The following CCND1 variants were observed in gnomAD, a reference collection of about 807,000 sequenced individuals.
CCND1 encodes cyclin D1, also known as G1/S-specific cyclin-D1.
Under a neutral mutation model 26.1 loss-of-function variants are expected in CCND1, and 9 were observed. The observed-to-expected ratio is 0.35, with a 90% CI of 0.21 to 0.60. The LOEUF (loss-of-function observed/expected upper bound fraction) is 0.60. CCND1 is among the 20% of genes least tolerant of loss of function. The probability of loss-of-function intolerance (pLI) is 0.79; values close to 1 mark genes in which losing one functional copy is unlikely to be tolerated. For missense variants in CCND1, 335 were observed against 392.9 expected (o/e 0.85, Z 1.25); for synonymous variants, 194 against 166.1 (o/e 1.17, Z -1.29).
intron 3 of CCND1, among the ~76,000 whole-genome samples, chr11:69,645,020 G>A (rs985498120): frequency 2.6e-5 from 4 of 152,186 alleles, no homozygotes; most frequent in African/African-American, 9.7e-5. Flanking sequence ...CCGGTAGCCC[G>A]CAGCCGGTAT....
intron 1 of CCND1, among the ~76,000 whole-genome samples, chr11:69,642,798 C>T (rs1348570932): frequency 2.0e-5 from 3 of 151,948 alleles, no homozygotes; most frequent in Non-Finnish European, 4.4e-5. Context: ...GTGCCCGCTC[C>T]CGCCCCCACC....
Position 69,641,231 on chromosome 11 carries a change from C to A in CCND1, c.-83C>A. The A allele has an allele frequency of 7.5e-7, 1 of 1,335,460 alleles. No homozygotes were observed. Among genetic ancestry groups the A allele is most frequent in the Non-Finnish European group, 1.1e-6 (1 of 944,124 alleles). The allele number at this position is 1,335,460 out of a possible 1,614,324, so 82.7% of individuals were successfully genotyped here. ...CGAGGGGCAGAAGAGCGCGAGGGAG[C>A]GCGGGGCAGCAGAAGCGAGAGCCGA... On this transcript the variant is annotated 5_prime_UTR_variant, in exon 1 of 5. Coordinates refer to ENST00000227507, the MANE Select transcript of CCND1 (RefSeq NM_053056.3).
rs547958193 is a variant in CCND1 at position 69,651,299 on chromosome 11, G to A, written c.*17G>A. The A allele has an allele frequency of 6.9e-7, 1 of 1,457,018 alleles. No individual in the cohort carries two copies. Among genetic ancestry groups the A allele is most frequent in the Admixed American group, 2.5e-5 (1 of 39,400 alleles). The allele number at this position is 1,457,018 out of a possible 1,614,324, so 90.3% of individuals were successfully genotyped here. A position where few individuals can be genotyped will look rare whatever the true frequency, so the allele number is the denominator to read the frequency against. On this transcript the variant is annotated 3_prime_UTR_variant, in exon 5 of 5. Coordinates refer to ENST00000227507, the MANE Select transcript of CCND1 (RefSeq NM_053056.3). ...GACATCTGAGGGCGCCAGGCAGGCG[G>A]GCGCCACCGCCACCCGCAGCGAGGG... is the stretch of plus-strand genomic sequence containing the variant.
chr11:69,645,316 G>A (rs1478338226), intron 3 of CCND1, among the ~76,000 whole-genome samples: 1 of 152,188 alleles, frequency 6.6e-6, no homozygotes, highest in African/African-American at 2.4e-5. Flanking sequence ...TGGAGAGAAC[G>A]TGGGGCGTGG....
At chr11:69,650,159 G>T (rs2120116289) in intron 4 of CCND1, among the ~76,000 whole-genome samples, 1 of 152,352 alleles carries the variant, frequency 6.6e-6, no homozygotes, top group Non-Finnish European at 1.5e-5. Context: ...GCCCAGCCCT[G>T]CTCCTTGTGG....
chr11:69,645,012 G>A (rs1456241430), intron 3 of CCND1, among the ~76,000 whole-genome samples: 2 of 152,158 alleles, frequency 1.3e-5, no homozygotes, highest in South Asian at 2.1e-4. Context: ...TTCTGACACC[G>A]GTAGCCCGCA....
At chr11:69,649,131 C>T (rs1173960901) in intron 4 of CCND1, among the ~76,000 whole-genome samples, 1 of 152,226 alleles carries the variant, frequency 6.6e-6, no homozygotes, top group Non-Finnish European at 1.5e-5. Context: ...TCCTCACCCG[C>T]TGTAGGGTGG....
chr11:69,642,574 A>G (rs1421129743), intron 1 of CCND1, among the ~76,000 whole-genome samples: 1 of 152,124 alleles, frequency 6.6e-6, no homozygotes, highest in Non-Finnish European at 1.5e-5. Flanking sequence ...ATATTTTTAA[A>G]TATTTTTTGA....
chr11:69,646,148 C>T (rs980131924), intron 3 of CCND1, among the ~76,000 whole-genome samples: 3 of 152,176 alleles, frequency 2.0e-5, no homozygotes, highest in Non-Finnish European at 4.4e-5. Flanking sequence ...GCACAAGGTG[C>T]GGAGCCAGCT....
At chr11:69,642,390 G>T (rs1252089394) in intron 1 of CCND1, among the ~76,000 whole-genome samples, 1 of 151,730 alleles carries the variant, frequency 6.6e-6, no homozygotes, top group Non-Finnish European at 1.5e-5. Context: ...AGTGCGGCGT[G>T]GTGCCCTTGC....
Position 69,651,214 on chromosome 11 carries a change from G to T in CCND1, c.820G>T (p.Glu274Ter), listed in dbSNP as rs763352395. Residue 274 changes from glutamate to a stop codon, truncating the protein, a stop_gained, in exon 5 of 5, where the codon GAG (glutamate) becomes TAG (stop). Coordinates refer to ENST00000227507, the MANE Select transcript of CCND1 (RefSeq NM_053056.3). LOFTEE classifies it high-confidence loss of function. ...QNMDPKAAEE[E>*]EEEEEEVDLA... is the part of the protein sequence containing the mutation. ...CATGGACCCCAAGGCCGCCGAGGAG[G>T]AGGAAGAGGAGGAGGAGGAGGTGGA... The T allele has an allele frequency of 1.9e-6, 3 of 1,604,586 alleles. No homozygotes were observed. Among genetic ancestry groups the T allele is most frequent in the Non-Finnish European group, 2.6e-6 (3 of 1,174,594 alleles).
Position 69,647,962 on chromosome 11 carries a change from A to G in CCND1, c.575-32A>G, listed in dbSNP as rs367744123. 1.3e-3 allele frequency: 2,078 copies of G among 1,612,002 alleles called. 1 individual carries two copies. The highest frequency in any genetic ancestry group is 1.6e-3 in the Non-Finnish European group (1,929 of 1,179,388). ...GGGGCCCTGAGAGGGTCCCCTGCTCACAGCCTCCTTCCCTCTCTCCTTCTG... is the reference window on the plus strand; with the variant it reads ...GGGGCCCTGAGAGGGTCCCCTGCTCGCAGCCTCCTTCCCTCTCTCCTTCTG... On this transcript the variant is annotated intron_variant, in intron 3 of 4. Coordinates refer to ENST00000227507, the MANE Select transcript of CCND1 (RefSeq NM_053056.3).
At chr11:69,641,774 C>T (rs1354230465) in intron 1 of CCND1, among the ~76,000 whole-genome samples, 3 of 151,932 alleles carry the variant, frequency 2.0e-5, no homozygotes, top group African/African-American at 7.3e-5. Flanking sequence ...AAGCCAGTGC[C>T]AGGGGCACCC....
intron 4 of CCND1, among the ~76,000 whole-genome samples, chr11:69,650,313 G>T: frequency 6.6e-6 from 1 of 152,372 alleles, no homozygotes; most frequent in Middle Eastern, 3.4e-3. Flanking sequence ...TTCAGGCTGC[G>T]TGGGACTTGC....
intron 3 of CCND1, among the ~76,000 whole-genome samples, chr11:69,646,611 G>T (rs1051308303): frequency 1.3e-5 from 2 of 152,172 alleles, no homozygotes; most frequent in Non-Finnish European, 2.9e-5. Context: ...CCGACGTCCG[G>T]CTCCCAGCCC....
chr11:69,651,417 G>GT lies in CCND1; in HGVS notation c.*141dup. ...AGCTTCATTCTCCTTGTTGTTGGTT[G>GT]TTTTTTCCTTTGCTCTTTCCCCCTT... On this transcript the variant is annotated 3_prime_UTR_variant, in exon 5 of 5. Transcript: ENST00000227507. The GT allele has an allele frequency of 2.6e-6, 2 of 760,306 alleles. No homozygotes were observed. Among genetic ancestry groups the GT allele is most frequent in the Non-Finnish European group, 3.8e-6 (2 of 531,414 alleles). 47.1% of individuals were successfully genotyped at this position (760,306 alleles called of 1,614,324 possible).
At chr11:69,643,571 G>A (rs1050517742) in intron 2 of CCND1, 2 of 451,678 alleles carry the variant, frequency 4.4e-6, no homozygotes, top group Admixed American at 4.3e-5. Flanking sequence ...GGTGGTGGGA[G>A]GTCTTTTTGT....
chr11:69,642,952 A>C, intron 1 of CCND1, 79 bp from the exon 2 acceptor site: 1 of 1,112,384 alleles, frequency 9.0e-7, no homozygotes, highest in Non-Finnish European at 1.2e-6. Flanking sequence ...GGCCCTGCCA[A>C]GCGCGATGGG....
chr11:69,644,206 C>A lies in CCND1; in HGVS notation c.574+215C>A, dbSNP rs141934730. The stretch of plus-strand genomic sequence containing the variant: ...GATTTGCTCCCTCACGGCCACCATG[C>A]AGTACCTTGGGCATTGGTGTGGACG... On this transcript the variant is annotated intron_variant, in intron 3 of 4. Transcript: ENST00000227507. The A allele has an allele frequency of 1.1e-3, 637 of 597,808 alleles. 10 individuals carry two copies. In the East Asian group the frequency reaches 0.017, roughly 16 times the overall value. The allele number at this position is 597,808 out of a possible 1,614,324, so 37.0% of individuals were successfully genotyped here. A position where few individuals can be genotyped will look rare whatever the true frequency, so the allele number is the denominator to read the frequency against.
Sources: allele counts gnomAD v4.1 joint callset (sites outside exome capture counted in the v4.1 genomes callset), GRCh38; gene constraint gnomAD v4.1.1; transcripts MANE v1.5; gene names NCBI Gene and HGNC (gene_info 2026-07-23, HGNC 2026-07-21).